Variants in MEGF9 observed in about 807,000 individuals in gnomAD.
MEGF9 encodes the protein multiple EGF like domains 9.
Under a neutral mutation model 46.8 loss-of-function variants are expected in MEGF9, and 6 were observed. The observed-to-expected ratio is 0.13, with a 90% CI of 0.07 to 0.25. The LOEUF (loss-of-function observed/expected upper bound fraction) is 0.25, where lower values mean the gene tolerates loss of function less well. Among genes scored for constraint, MEGF9 ranks in the 10% least tolerant of loss-of-function variants. The pLI, the probability that MEGF9 is intolerant of heterozygous loss-of-function variation, is 1.00. For missense variants in MEGF9, 683 were observed against 792.4 expected (o/e 0.86, Z 1.66); for synonymous variants, 302 against 330.7 (o/e 0.91, Z 0.94).
chr9:120,619,603 T>C (rs921348300), intron 3 of MEGF9, among the ~76,000 whole-genome samples: 7 of 152,198 alleles, frequency 4.6e-5, no homozygotes, highest in Admixed American at 3.3e-4. Context: ...GATAACAGTA[T>C]TTACTTAATA....
chr9:120,694,879 T>G (rs1281015351), intron 1 of MEGF9, among the ~76,000 whole-genome samples: 1 of 152,204 alleles, frequency 6.6e-6, no homozygotes, highest in African/African-American at 2.4e-5. Context: ...TATTATAATA[T>G]GGTGCTTTGA....
intron 1 of MEGF9, among the ~76,000 whole-genome samples, chr9:120,695,239 G>T (rs1481474196): frequency 6.6e-6 from 1 of 152,060 alleles, no homozygotes; most frequent in Non-Finnish European, 1.5e-5. Context: ...CAGCCTATAG[G>T]CTACTTGAGA....
chr9:120,664,647 C>G (rs1372758300), intron 1 of MEGF9, among the ~76,000 whole-genome samples: 1 of 152,128 alleles, frequency 6.6e-6, no homozygotes, highest in African/African-American at 2.4e-5. Context: ...AGAGCACTCA[C>G]AGGAATCTGG....
intron 1 of MEGF9, among the ~76,000 whole-genome samples, chr9:120,660,200 G>C (rs2043695894): frequency 2.0e-5 from 3 of 152,042 alleles, no homozygotes; most frequent in Admixed American, 1.3e-4. Flanking sequence ...ACAGTTCTTT[G>C]TTGTTTGTTT....
intron 1 of MEGF9, among the ~76,000 whole-genome samples, chr9:120,694,513 T>C (rs1291882848): frequency 6.6e-6 from 1 of 152,248 alleles, no homozygotes; most frequent in East Asian, 1.9e-4. Context: ...ATACGAATCA[T>C]TTCATAATTA....
At position 120,605,307 on chromosome 9, in the gene MEGF9, G is replaced by A. The variant is rs2043415492; in HGVS notation, c.1692C>T (p.Ser564=). ...ELKEDNISFS[S]YHDSIPNADV... is the part of the protein sequence containing the mutation. ...CTGCATTGGGAATGCTGTCATGGTA[G>A]CTGCTGAAACTGATATTGTCTTCTT... The change falls in exon 6 of 6, where the codon AGC becomes AGT. Residue 564 remains serine, a synonymous_variant. Coordinates refer to ENST00000373930, the MANE Select transcript of MEGF9 (RefSeq NM_001080497.3). The surrounding 1 kb of genome is among the most constrained non-coding windows in gnomAD (Gnocchi z 4.0). 6.2e-7 allele frequency: 1 copy of A among 1,613,896 alleles called. No homozygotes were observed. The highest frequency in any genetic ancestry group is 8.5e-7 in the Non-Finnish European group (1 of 1,179,902).
intron 3 of MEGF9, among the ~76,000 whole-genome samples, chr9:120,619,853 C>T (rs74756179): frequency 0.037 from 5,705 of 152,298 alleles, 331 homozygotes; most frequent in African/African-American, 0.13. Flanking sequence ...TGAAAATCTA[C>T]TTCAATCTAA....
intron 2 of MEGF9, among the ~76,000 whole-genome samples, chr9:120,651,644 G>C (rs2043649812): frequency 6.6e-6 from 1 of 151,150 alleles, no homozygotes; most frequent in African/African-American, 2.4e-5. Context: ...ATTTTAAAAG[G>C]TATAATAGGA....
At chr9:120,607,652 C>T (rs1011844867) in intron 5 of MEGF9, 89 bp downstream of exon 5, 2 of 1,381,776 alleles carry the variant, frequency 1.4e-6, no homozygotes, top group African/African-American at 2.9e-5. Context: ...AGAAACTCCT[C>T]TGGTAGGGTT....
intron 2 of MEGF9, among the ~76,000 whole-genome samples, chr9:120,628,495 T>TTTTTTC (rs1430387520): frequency 7.0e-6 from 1 of 142,690 alleles, no homozygotes; most frequent in African/African-American, 2.8e-5. Flanking sequence ...TTTTTTTTTT[T>TTTTTTC]CAGAGACAGA....
At position 120,714,090 on chromosome 9, in the gene MEGF9, G is replaced by A. The variant is rs1217135007; in HGVS notation, c.269C>T (p.Pro90Leu). Residue 90 changes from proline to leucine, a missense_variant, in exon 1 of 6, where the codon CCC (proline) becomes CTC (leucine). This residue lies in a region of MEGF9 where 370 missense variants were observed against 371.3 expected (regional missense o/e 1.00). Coordinates refer to ENST00000373930, the MANE Select transcript of MEGF9 (RefSeq NM_001080497.3). ...CTGGGCTGGAGAAGTCGCAGCCAGG[G>A]GTCGGTGGACGGTGGCGCGCGGGGG... is the stretch of plus-strand genomic sequence containing the variant. ...TGPPRATVHR[P>L]LAATSPAQSP... The A allele has an allele frequency of 5.6e-6, 7 of 1,257,576 alleles. No individual in the cohort carries two copies. Among genetic ancestry groups the A allele is most frequent in the South Asian group, 3.3e-5 (1 of 30,010 alleles). The allele number at this position is 1,257,576 out of a possible 1,614,324, so 77.9% of individuals were successfully genotyped here.
intron 1 of MEGF9, among the ~76,000 whole-genome samples, chr9:120,708,532 G>A (rs755669347): frequency 1.3e-5 from 2 of 152,144 alleles, no homozygotes; most frequent in Non-Finnish European, 2.9e-5. Context: ...GGTTCTTTGG[G>A]GGACATAAAT....
intron 1 of MEGF9, among the ~76,000 whole-genome samples, chr9:120,675,281 T>TG (rs1360914324): frequency 6.6e-6 from 1 of 152,216 alleles, no homozygotes; most frequent in Non-Finnish European, 1.5e-5. Context: ...AATCTATGTC[T>TG]GATCTATTAA....
chr9:120,634,906 G>C (rs1381275018), intron 2 of MEGF9, among the ~76,000 whole-genome samples: 1 of 152,022 alleles, frequency 6.6e-6, no homozygotes, highest in Non-Finnish European at 1.5e-5. Flanking sequence ...TTTTCTAACA[G>C]TGAATGTTAC....
chr9:120,692,605 C>T (rs2043854208), intron 1 of MEGF9, among the ~76,000 whole-genome samples: 1 of 152,128 alleles, frequency 6.6e-6, no homozygotes, highest in Non-Finnish European at 1.5e-5. Context: ...ACATGGAAAG[C>T]ACATCATGAT....
At chr9:120,661,085 A>G (rs2132323422) in intron 1 of MEGF9, among the ~76,000 whole-genome samples, 1 of 152,334 alleles carries the variant, frequency 6.6e-6, no homozygotes, top group South Asian at 2.1e-4. Context: ...TATCCACACA[A>G]GTCAAAACAA....
At chr9:120,672,647 G>A (rs1308168263) in intron 1 of MEGF9, among the ~76,000 whole-genome samples, 1 of 151,974 alleles carries the variant, frequency 6.6e-6, no homozygotes. Flanking sequence ...AATAAATACT[G>A]TCTCTATTCA....
At chr9:120,633,441 G>A (rs1232307307) in intron 2 of MEGF9, among the ~76,000 whole-genome samples, 2 of 152,020 alleles carry the variant, frequency 1.3e-5, no homozygotes, top group Non-Finnish European at 1.5e-5. Context: ...CAGTTGTAAT[G>A]TCCTCTTTTT....
chr9:120,656,164 T>C (rs185721603), intron 2 of MEGF9, among the ~76,000 whole-genome samples: 1 of 152,282 alleles, frequency 6.6e-6, no homozygotes, highest in African/African-American at 2.4e-5. Context: ...GTATATAAAA[T>C]TAGTCAAGTT....
Sources: gnomAD v4.1 joint callset for allele counts (sites outside exome capture counted in the v4.1 genomes callset) on GRCh38, gnomAD v4.1.1 for gene constraint, gnomAD v4.1.1 regional missense constraint, Gnocchi (gnomAD v3.1) non-coding constraint, MANE v1.5 for transcripts, NCBI Gene and HGNC (gene_info 2026-07-23, HGNC 2026-07-21) for gene names.